The following ADK variants were observed in gnomAD, a reference collection of about 807,000 sequenced individuals.
ADK encodes N6,N6-dimethyladenosine kinase.
ADK carries 24 observed loss-of-function variants against 44.7 expected under a neutral mutation model. The ratio of observed to expected loss-of-function variants is 0.54; its 90% CI spans 0.39 to 0.76. The LOEUF is 0.76. ADK is among the 30% of genes least tolerant of loss of function. The pLI, the probability that ADK is intolerant of heterozygous loss-of-function variation, is 0.00. For missense variants in ADK, 321 were observed against 425.1 expected, an observed-to-expected ratio of 0.76 and a Z score of 2.15; for synonymous variants, 128 against 142.6, an observed-to-expected ratio of 0.90 and a Z score of 0.73.
At position 74,300,259 on chromosome 10, in the gene ADK, TTTCCTTCCTTCCTTCC is replaced by T. The variant is rs1158122190; in HGVS notation, c.195-14372_195-14357del. Among the ~76,000 whole-genome samples the T allele has an allele frequency of 2.6e-3, 161 of 60,958 alleles. 2 individuals carry two copies. Among genetic ancestry groups the T allele is most frequent in the African/African-American group, 6.8e-3 (141 of 20,594 alleles). The allele number at this position is 60,958 out of a possible 152,430, so 40.0% of individuals were successfully genotyped here. On this transcript the variant is annotated intron_variant, in intron 3 of 10. Coordinates refer to ENST00000539909, the MANE Select transcript of ADK (RefSeq NM_006721.4). ...CTTTCTCTCTCTCTCTCTCTCCTTG[TTTCCTTCCTTCCTTCC>T]TTCCTTCCTTCCTTCCTTCCTTCCT...
intron 1 of ADK, among the ~76,000 whole-genome samples, chr10:74,177,796 G>A (rs10824096): frequency 0.13 from 19,078 of 151,718 alleles, 1,206 homozygotes; most frequent in Middle Eastern, 0.2. Flanking sequence ...CACCCGTCCT[G>A]GTGATTTGAG....
At chr10:74,233,018 C>T (rs143862851) in intron 3 of ADK, among the ~76,000 whole-genome samples, 302 of 152,242 alleles carry the variant, frequency 2.0e-3, no homozygotes, top group African/African-American at 7.0e-3. Flanking sequence ...TCTTAAAATC[C>T]TTAAAGAATT....
At chr10:74,670,330 C>G (rs1855123584) in intron 10 of ADK, 61 bp downstream of exon 10, 1 of 1,274,486 alleles carries the variant, frequency 7.8e-7, no homozygotes, top group African/African-American at 1.5e-5. Flanking sequence ...TTGTTTCTAC[C>G]ATATAACCAA....
chr10:74,442,296 TTCC>T (rs150090331), intron 6 of ADK, among the ~76,000 whole-genome samples: 6,887 of 152,148 alleles, frequency 0.045, 536 homozygotes, highest in African/African-American at 0.16. Context: ...AATACGAAAG[TTCC>T]TTTAAAAACA....
chr10:74,171,937 C>G (rs537222884), intron 1 of ADK, among the ~76,000 whole-genome samples: 4 of 151,884 alleles, frequency 2.6e-5, no homozygotes, highest in Admixed American at 6.6e-5. Context: ...CTGCCTTTAC[C>G]TGGGAAAATA....
intron 6 of ADK, among the ~76,000 whole-genome samples, chr10:74,412,037 T>C (rs1433872843): frequency 1.3e-5 from 2 of 152,344 alleles, no homozygotes; most frequent in Admixed American, 6.5e-5. Context: ...TCACTTCTAA[T>C]ACTAGTTCTC....
At chr10:74,324,935 A>T (rs1049650346) in intron 4 of ADK, among the ~76,000 whole-genome samples, 5 of 152,100 alleles carry the variant, frequency 3.3e-5, no homozygotes, top group Non-Finnish European at 5.9e-5. Flanking sequence ...AGATAGCATG[A>T]TGTGTCTTTG....
At chr10:74,536,867 A>T (rs955125099) in intron 7 of ADK, among the ~76,000 whole-genome samples, 5 of 152,096 alleles carry the variant, frequency 3.3e-5, no homozygotes. Context: ...ATTTCATTGT[A>T]TGTGTGAAAT....
chr10:74,285,361 T>A (rs546100010), intron 3 of ADK, among the ~76,000 whole-genome samples: 1 of 152,294 alleles, frequency 6.6e-6, no homozygotes, highest in Non-Finnish European at 1.5e-5. Context: ...TACAGAGATA[T>A]AAGAGAAGCA....
chr10:74,218,410 G>A (rs1844151605), intron 2 of ADK, among the ~76,000 whole-genome samples: 2 of 152,224 alleles, frequency 1.3e-5, no homozygotes, highest in Non-Finnish European at 1.5e-5. Flanking sequence ...ACCTGAAAGT[G>A]ACGGGGAGAA....
chr10:74,671,950 G>C (rs578049826), intron 10 of ADK, among the ~76,000 whole-genome samples: 1 of 152,132 alleles, frequency 6.6e-6, no homozygotes. Flanking sequence ...TAATGCTACC[G>C]ATACTAGGTG....
chr10:74,552,685 T>C (rs1284194785), intron 7 of ADK, among the ~76,000 whole-genome samples: 1 of 152,126 alleles, frequency 6.6e-6, no homozygotes, highest in Non-Finnish European at 1.5e-5. Flanking sequence ...TTACAATTCA[T>C]GTATCTGACA....
chr10:74,217,487 T>G (rs1227261570), intron 2 of ADK, among the ~76,000 whole-genome samples: 1 of 152,210 alleles, frequency 6.6e-6, no homozygotes, highest in Admixed American at 6.5e-5. Flanking sequence ...CAGACTTATA[T>G]GTCCCTGTCT....
chr10:74,551,021 T>C (rs1850018456), intron 7 of ADK, among the ~76,000 whole-genome samples: 1 of 152,146 alleles, frequency 6.6e-6, no homozygotes, highest in Admixed American at 6.5e-5. Context: ...AACTATTTTT[T>C]AAGTAAAATT....
At chr10:74,152,894 C>T (rs2132021882) in intron 1 of ADK, among the ~76,000 whole-genome samples, 1 of 152,276 alleles carries the variant, frequency 6.6e-6, no homozygotes, top group South Asian at 2.1e-4. Context: ...TTTAGTGCCA[C>T]CTGTAGACAT....
intron 9 of ADK, among the ~76,000 whole-genome samples, chr10:74,661,811 TAG>T: frequency 6.6e-6 from 1 of 152,356 alleles, no homozygotes; most frequent in South Asian, 2.1e-4. Flanking sequence ...GCAGTTATAA[TAG>T]ATGTTACATT....
intron 3 of ADK, among the ~76,000 whole-genome samples, chr10:74,282,226 CA>C (rs974815005): frequency 2.0e-5 from 3 of 151,826 alleles, no homozygotes; most frequent in African/African-American, 7.3e-5. Context: ...GTAATGTTAC[CA>C]AAAAATCTCT....
chr10:74,154,664 A>G (rs965326544), intron 1 of ADK, among the ~76,000 whole-genome samples: 35 of 152,152 alleles, frequency 2.3e-4, no homozygotes, highest in African/African-American at 8.4e-4. Context: ...ATTATCTGTT[A>G]TCCTGAATCT....
intron 9 of ADK, among the ~76,000 whole-genome samples, chr10:74,636,650 AAATGTAG>A (rs1301865508): frequency 4.6e-5 from 7 of 152,228 alleles, no homozygotes; most frequent in Non-Finnish European, 7.3e-5. Context: ...ACAACATATG[AAATGTAG>A]AAGTATGAAA....
Sources: allele counts gnomAD v4.1 joint callset (sites outside exome capture counted in the v4.1 genomes callset), GRCh38; gene constraint gnomAD v4.1.1; transcripts MANE v1.5; gene names NCBI Gene and HGNC (gene_info 2026-07-23, HGNC 2026-07-21).